MTA2: variants seen among roughly 807,000 people sequenced by gnomAD.
The protein encoded by MTA2 is metastasis associated 1 family member 2.
MTA2 carries 22 observed loss-of-function variants against 87.1 expected under a neutral mutation model. The ratio of observed to expected loss-of-function variants is 0.25; its 90% CI spans 0.18 to 0.36. The LOEUF is 0.36. MTA2 is among the 10% of genes least tolerant of loss of function. MTA2 has a pLI of 1.00. For synonymous variants in MTA2, 314 were observed against 310.1 expected, an observed-to-expected ratio of 1.01 and a Z score of -0.13; for missense variants, 542 against 853.2, an observed-to-expected ratio of 0.64 and a Z score of 4.54.
rs906368355 is a variant in MTA2, at chr11:62,595,245, C to G, written c.1483+19G>C. On this transcript the variant is annotated intron_variant, in intron 14 of 17. Transcript: ENST00000278823. This position sits in a 1 kb window ranked among gnomAD's most constrained non-coding sequence, Gnocchi z 4.9. Reference sequence around the variant, plus strand: ...GCAATCCGAAACCCACCACCAGTCCCACCACTCCCTGCCCTTACACTCTGC... The same window carrying G: ...GCAATCCGAAACCCACCACCAGTCCGACCACTCCCTGCCCTTACACTCTGC... The G allele has an allele frequency of 1.2e-6, 2 of 1,610,588 alleles. No individual in the cohort carries two copies. The highest frequency in any genetic ancestry group is 1.7e-6 in the Non-Finnish European group (2 of 1,176,960).
At chr11:62,594,161 TCCA>T in intron 17 of MTA2, 95 bp downstream of exon 17, 1 of 1,570,016 alleles carries the variant, frequency 6.4e-7, no homozygotes, top group South Asian at 1.2e-5. Context: ...CCACCCTGCA[TCCA>T]CAACTTTCCT....
chr11:62,594,115 C>T lies in MTA2; in HGVS notation c.1842-75G>A, dbSNP rs952517511. ...GACCTCCAGGTGAAGCCCCACACTGCAATTATGCCTTCTGGCCCATTCTTT... is the reference window on the plus strand; with the variant it reads ...GACCTCCAGGTGAAGCCCCACACTGTAATTATGCCTTCTGGCCCATTCTTT... On this transcript the variant is annotated intron_variant, in intron 17 of 17. Coordinates refer to ENST00000278823, the MANE Select transcript of MTA2 (RefSeq NM_004739.4). 4.5e-6 allele frequency: 7 copies of T among 1,550,036 alleles called. No homozygotes were observed. The African/African-American group carries it at 6.8e-5, about 15-fold the overall frequency.
chr11:62,593,593 C>T lies in MTA2; in HGVS notation c.*282G>A, dbSNP rs1394380069. Reference sequence around the variant, plus strand: ...TTAAAAAATTAAAAAACCCTCCCCCCAAAACTGTCCAAGACATCTGTGGGT... The same window carrying T: ...TTAAAAAATTAAAAAACCCTCCCCCTAAAACTGTCCAAGACATCTGTGGGT... On this transcript the variant is annotated 3_prime_UTR_variant, in exon 18 of 18. Coordinates refer to ENST00000278823, the MANE Select transcript of MTA2 (RefSeq NM_004739.4). 1.1e-5 allele frequency: 4 copies of T among 348,430 alleles called. No homozygotes were observed. The highest frequency in any genetic ancestry group is 4.4e-5 in the Admixed American group (1 of 22,898). 21.6% of individuals were successfully genotyped at this position (348,430 alleles called of 1,614,324 possible). A position where few individuals can be genotyped will look rare whatever the true frequency, so the allele number is the denominator to read the frequency against.
At position 62,593,476 on chromosome 11, in the gene MTA2, G is replaced by A. The variant is rs1036724623; in HGVS notation, c.*399C>T. 7.0e-6 allele frequency: 1 copy of A among 142,798 alleles called. No individual in the cohort carries two copies. Among genetic ancestry groups the A allele is most frequent in the African/African-American group, 2.7e-5 (1 of 37,692 alleles). 8.8% of individuals were successfully genotyped at this position (142,798 alleles called of 1,614,324 possible). A position where few individuals can be genotyped will look rare whatever the true frequency, so the allele number is the denominator to read the frequency against. ...AAAAAAAAAAAAAAAAGACATGGCAGTGCACGCCCCCCTCCCCCAACCAGG... is the reference window on the plus strand; with the variant it reads ...AAAAAAAAAAAAAAAAGACATGGCAATGCACGCCCCCCTCCCCCAACCAGG... On this transcript the variant is annotated 3_prime_UTR_variant, in exon 18 of 18. Transcript: ENST00000278823.
chr11:62,597,522 G>C, intron 7 of MTA2, 88 bp downstream of exon 7: 1 of 1,503,000 alleles, frequency 6.7e-7, no homozygotes, highest in African/African-American at 1.4e-5. Flanking sequence ...GGCAATGAAA[G>C]AAATAAAGTC....
At chr11:62,600,066 C>T in intron 3 of MTA2, 100 bp downstream of exon 3, 1 of 1,110,570 alleles carries the variant, frequency 9.0e-7, no homozygotes, top group Non-Finnish European at 1.3e-6. Flanking sequence ...CCCAAACTCA[C>T]ACCTCTGCCT....
chr11:62,593,483 C>T lies in MTA2; in HGVS notation c.*392G>A, dbSNP rs1480307729. On this transcript the variant is annotated 3_prime_UTR_variant, in exon 18 of 18. Coordinates refer to ENST00000278823, the MANE Select transcript of MTA2 (RefSeq NM_004739.4). Reference sequence around the variant, plus strand: ...AAAAAAAAAGACATGGCAGTGCACGCCCCCCTCCCCCAACCAGGTACCACC... The same window carrying T: ...AAAAAAAAAGACATGGCAGTGCACGTCCCCCTCCCCCAACCAGGTACCACC... The T allele has an allele frequency of 6.6e-6, 1 of 151,698 alleles. No homozygotes were observed. The highest frequency in any genetic ancestry group is 1.4e-5 in the Non-Finnish European group (1 of 70,272). The allele number at this position is 151,698 out of a possible 1,614,324, so 9.4% of individuals were successfully genotyped here.
chr11:62,594,094 T>A (rs1416709808), intron 17 of MTA2, 54 bp from the exon 18 acceptor site: 1 of 1,554,070 alleles, frequency 6.4e-7, no homozygotes, highest in Non-Finnish European at 8.7e-7. Flanking sequence ...CATTAAGACC[T>A]CCAGGTGAAG....
At chr11:62,600,451 A>G in intron 2 of MTA2, 171 bp downstream of exon 2, 1 of 796,240 alleles carries the variant, frequency 1.3e-6, no homozygotes, top group Non-Finnish European at 2.0e-6. Flanking sequence ...CCCAAGAGAC[A>G]GAATAGTAAA....
intron 1 of MTA2, chr11:62,600,913 C>T: frequency 1.8e-6 from 1 of 546,224 alleles, no homozygotes; most frequent in Non-Finnish European, 3.3e-6. Flanking sequence ...AAAAGAGAGC[C>T]TTAAGGAACA....
At position 62,601,865 on chromosome 11, in the gene MTA2, T is replaced by G; in HGVS notation, c.-415A>C. The stretch of plus-strand genomic sequence containing the variant: ...GGCCGATCCGGAGAACAAGGCCCAC[T>G]GCTCGGCTCAGGTCGGAGAGCGAGA... On this transcript the variant is annotated 5_prime_UTR_variant, in exon 1 of 18. Transcript: ENST00000278823. The G allele has an allele frequency of 2.0e-6, 1 of 495,008 alleles. No individual in the cohort carries two copies. Among genetic ancestry groups the G allele is most frequent in the Non-Finnish European group, 3.5e-6 (1 of 283,454 alleles). 30.7% of individuals were successfully genotyped at this position (495,008 alleles called of 1,614,324 possible). A position where few individuals can be genotyped will look rare whatever the true frequency, so the allele number is the denominator to read the frequency against.
intron 16 of MTA2, 34 bp downstream of exon 16, chr11:62,594,482 A>C: frequency 6.2e-7 from 1 of 1,613,164 alleles, no homozygotes; most frequent in Non-Finnish European, 8.5e-7. Flanking sequence ...AGCCCACCCA[A>C]CTCAATCTGG....
chr11:62,600,051 C>T (rs1942155871), intron 3 of MTA2, 115 bp downstream of exon 3: 2 of 933,130 alleles, frequency 2.1e-6, no homozygotes, highest in South Asian at 3.2e-5. Context: ...CAGGCATTTC[C>T]CACCCCCAAA....
intron 3 of MTA2, among the ~76,000 whole-genome samples, chr11:62,599,917 A>G (rs900125090): frequency 5.3e-5 from 8 of 152,166 alleles, no homozygotes; most frequent in Non-Finnish European, 1.0e-4. Flanking sequence ...GCTCGTCCTC[A>G]TACTCTAAAT....
At chr11:62,597,069 G>A (rs906954170) in intron 8 of MTA2, among the ~76,000 whole-genome samples, 1 of 152,110 alleles carries the variant, frequency 6.6e-6, no homozygotes, top group Admixed American at 6.5e-5. Flanking sequence ...GGTGCCTGTA[G>A]TCCCAGCTAT....
intron 3 of MTA2, chr11:62,599,108 G>A (rs1387675521): frequency 6.2e-6 from 1 of 160,882 alleles, no homozygotes; most frequent in African/African-American, 2.4e-5. Context: ...TTTCTACTTG[G>A]CTAATAATAG....
chr11:62,598,215 T>C, intron 5 of MTA2, 74 bp from the exon 6 acceptor site: 1 of 1,570,736 alleles, frequency 6.4e-7, no homozygotes, highest in Admixed American at 1.7e-5. Context: ...GTATCTGAGT[T>C]TCCATGACCG....
In MTA2 at chr11:62,593,795, G is replaced by A. The variant is rs552253808; in HGVS notation, c.*80C>T. 15 of 1,548,542 alleles carry A rather than the reference G, an allele frequency of 9.7e-6. No individual in the cohort carries two copies. Among genetic ancestry groups the A allele is most frequent in the South Asian group, 2.3e-5 (2 of 87,944 alleles). ...CCTTAATTCACTCCTCACTCCCTTC[G>A]ACACGAAAGGGAAGGGAGGTTTGGG... On this transcript the variant is annotated 3_prime_UTR_variant, in exon 18 of 18. Coordinates refer to ENST00000278823, the MANE Select transcript of MTA2 (RefSeq NM_004739.4).
At chr11:62,599,842 G>A (rs1942153858) in intron 3 of MTA2, among the ~76,000 whole-genome samples, 1 of 152,144 alleles carries the variant, frequency 6.6e-6, no homozygotes, top group Non-Finnish European at 1.5e-5. Context: ...TTGACCTTCA[G>A]TCATCACCTA....
Sources: gnomAD v4.1 joint callset for allele counts (sites outside exome capture counted in the v4.1 genomes callset) on GRCh38, gnomAD v4.1.1 for gene constraint, Gnocchi (gnomAD v3.1) non-coding constraint, MANE v1.5 for transcripts, NCBI Gene and HGNC (gene_info 2026-07-23, HGNC 2026-07-21) for gene names.